The following PRPF31 variants were observed in gnomAD, a reference collection of about 807,000 sequenced individuals.
The protein encoded by PRPF31 is U4/U6 small nuclear ribonucleoprotein Prp31.
In PRPF31, 12 loss-of-function variants were observed where a neutral mutation model predicts 60.4. The observed-to-expected ratio is 0.20, with a 90% CI of 0.13 to 0.32. The LOEUF (loss-of-function observed/expected upper bound fraction) is 0.32, where lower values mean the gene tolerates loss of function less well. Ranked by LOEUF, PRPF31 falls within the 10% of genes least tolerant of loss-of-function variation. PRPF31 has a pLI of 1.00. For missense variants in PRPF31, 431 were observed against 687.1 expected, an observed-to-expected ratio of 0.63 and a Z score of 4.17; for synonymous variants, 287 against 287.9, an observed-to-expected ratio of 1.00 and a Z score of 0.03.
chr19:54,123,928 CG>C lies in PRPF31; in HGVS notation c.697+13del, dbSNP rs1468338597. 6.2e-7 allele frequency: 1 copy of C among 1,613,142 alleles called. No individual in the cohort carries two copies. Among genetic ancestry groups the C allele is most frequent in the South Asian group, 1.1e-5 (1 of 91,088 alleles). The stretch of plus-strand genomic sequence containing the variant: ...GCCGCCAAGATCATGGGTGAGTCCC[CG>C]GGCTGGGTCCCATGGAGCGGGGGTC... On this transcript the variant is annotated intron_variant, in intron 7 of 13. Transcript: ENST00000321030.
rs1236772792 is a variant in PRPF31, at chr19:54,127,949, C to A, written c.946-124C>A. ...CCAAGAAGAAAAAGAAAGGGGGTGG[C>A]GGTGAGGCAGCATTAGGTGCTGATT... is the stretch of plus-strand genomic sequence containing the variant. On this transcript the variant is annotated intron_variant, in intron 9 of 13. Coordinates refer to ENST00000321030, the MANE Select transcript of PRPF31 (RefSeq NM_015629.4). 2.3e-6 allele frequency: 3 copies of A among 1,321,836 alleles called. No homozygotes were observed. The Admixed American group carries it at 6.0e-5, about 27-fold the overall frequency. The allele number at this position is 1,321,836 out of a possible 1,614,324, so 81.9% of individuals were successfully genotyped here. A position where few individuals can be genotyped will look rare whatever the true frequency, so the allele number is the denominator to read the frequency against.
Position 54,128,329 on chromosome 19 carries a change from G to C in PRPF31, c.1098G>C (p.Leu366=), listed in dbSNP as rs201201131. The C allele has an allele frequency of 3.0e-4, 465 of 1,545,814 alleles. 3 individuals are homozygous for C. In the East Asian group the frequency reaches 0.01, roughly 33 times the overall value. The part of the protein sequence containing the change: ...GRRYRKMKER[L]GLTEIRKQAN... ...GGTACCGCAAGATGAAGGAGCGGCT[G>C]GGGCTGACGGAGATCCGGAAGCAGG... The change falls in exon 11 of 14, where the codon CTG becomes CTC. Residue 366 remains leucine (L), a synonymous_variant. Transcript: ENST00000321030.
chr19:54,127,082 TGC>T lies in PRPF31; in HGVS notation c.945+466_945+467del, dbSNP rs1216928675. On this transcript the variant is annotated intron_variant, in intron 9 of 13. Transcript: ENST00000321030. ...TTGCAGTGAACTGAGATTGCATCAT[TGC>T]ACTCCAGCTTGGGTGACATAGCGAG... 3.9e-5 allele frequency among the ~76,000 whole-genome samples: 6 copies of T among 152,254 alleles called. No individual in the cohort carries two copies. The East Asian group carries it at 1.2e-3, about 29-fold the overall frequency.
At chr19:54,120,574 C>T (rs1209252117) in intron 3 of PRPF31, among the ~76,000 whole-genome samples, 1 of 152,190 alleles carries the variant, frequency 6.6e-6, no homozygotes, top group African/African-American at 2.4e-5. Flanking sequence ...TGACATCAGG[C>T]AGTTAGTATT....
chr19:54,125,177 C>G (rs587748863), intron 8 of PRPF31: 2 of 186,724 alleles, frequency 1.1e-5, no homozygotes, highest in South Asian at 2.0e-4. Context: ...ATCCCAGCAT[C>G]GACGCCTGAC....
Position 54,123,882 on chromosome 19 carries a change from A to T in PRPF31, c.661A>T (p.Ile221Phe), listed in dbSNP as rs1195195754. The T allele has an allele frequency of 6.2e-7, 1 of 1,613,992 alleles. No individual in the cohort carries two copies. Among genetic ancestry groups the T allele is most frequent in the Admixed American group, 1.7e-5 (1 of 60,018 alleles). Residue 221 changes from isoleucine (I) to phenylalanine (F), a missense_variant, in exon 7 of 14, where the codon ATC (isoleucine) becomes TTC (phenylalanine). Ile to Phe is a conservative substitution (Grantham distance 21). Transcript: ENST00000321030. ...GTCCTTCATCGCACCCAACCTGTCC[A>T]TCATTATCGGGGCATCCACGGCCGC... is the stretch of plus-strand genomic sequence containing the variant. ...RMSFIAPNLS[I>F]IIGASTAAKI...
rs1014381080 is a variant in PRPF31 at position 54,129,277 on chromosome 19, C to T, written c.1281C>T (p.Thr427=). The T allele has an allele frequency of 2.5e-6, 4 of 1,611,180 alleles. No individual in the cohort carries two copies. Among genetic ancestry groups the T allele is most frequent in the East Asian group, 4.5e-5 (2 of 44,768 alleles). Residue 427 remains threonine, a synonymous_variant, in exon 13 of 14, where the codon ACC becomes ACT. Coordinates refer to ENST00000321030, the MANE Select transcript of PRPF31 (RefSeq NM_015629.4). ...CCTCCCTGTCCTCCCCACAGCGGACCCTGCAGAAGCAGAGCGTCGTATATG... is the reference window on the plus strand; with the variant it reads ...CCTCCCTGTCCTCCCCACAGCGGACTCTGCAGAAGCAGAGCGTCGTATATG... ...KARISKTLQR[T]LQKQSVVYGG...
intron 3 of PRPF31, 37 bp downstream of exon 3, chr19:54,118,670 G>C (rs776252529): frequency 1.2e-6 from 2 of 1,608,850 alleles, no homozygotes; most frequent in East Asian, 4.5e-5. Flanking sequence ...CCCATCTCCT[G>C]TCTCTCCTGC....
At chr19:54,126,833 A>C (rs10424816) in intron 9 of PRPF31, among the ~76,000 whole-genome samples, 60,445 of 152,142 alleles carry the variant, frequency 0.4, 12,372 homozygotes, top group East Asian at 0.59. Context: ...CTACTGGCTT[A>C]AAACAGTGCA....
In PRPF31 at chr19:54,131,546, TGC is replaced by T. The variant is rs2074047900; in HGVS notation, c.*115_*116del. 2.5e-5 allele frequency: 37 copies of T among 1,479,572 alleles called. 1 individual carries two copies. In the South Asian group the frequency reaches 4.1e-4, roughly 16 times the overall value. 91.7% of individuals were successfully genotyped at this position (1,479,572 alleles called of 1,614,324 possible). A position where few individuals can be genotyped will look rare whatever the true frequency, so the allele number is the denominator to read the frequency against. ...GAACCTGCCCTGCCACTGGCCCCAT[TGC>T]TGGGACTGCCCAGGGAGGAGGCCTT... On this transcript the variant is annotated 3_prime_UTR_variant, in exon 14 of 14. Coordinates refer to ENST00000321030, the MANE Select transcript of PRPF31 (RefSeq NM_015629.4).
chr19:54,128,810 G>A (rs1181963266), intron 11 of PRPF31, among the ~76,000 whole-genome samples: 1 of 152,202 alleles, frequency 6.6e-6, no homozygotes, highest in Non-Finnish European at 1.5e-5. Flanking sequence ...ACACGAGTAA[G>A]GAAGGAATGG....
intron 13 of PRPF31, among the ~76,000 whole-genome samples, chr19:54,130,005 G>A (rs1473539533): frequency 6.6e-6 from 1 of 152,198 alleles, no homozygotes; most frequent in Non-Finnish European, 1.5e-5. Context: ...GGAGCCAGTG[G>A]GTGGCCGGGC....
At chr19:54,119,865 A>G (rs2073744442) in intron 3 of PRPF31, 1 of 152,140 alleles carries the variant, frequency 6.6e-6, no homozygotes, top group Admixed American at 6.5e-5. Context: ...AAAGAAGTGT[A>G]GTGAGAGGGC....
At chr19:54,122,473 A>G (rs762392872) in intron 4 of PRPF31, 24 bp from the exon 5 acceptor site, 1 of 1,572,648 alleles carries the variant, frequency 6.4e-7, no homozygotes, top group Non-Finnish European at 8.8e-7. Context: ...CTCACCCGAC[A>G]ACCTCCTGTC....
intron 9 of PRPF31, among the ~76,000 whole-genome samples, chr19:54,127,434 G>A (rs946299518): frequency 6.6e-5 from 10 of 152,036 alleles, no homozygotes; most frequent in African/African-American, 2.2e-4. Flanking sequence ...TGGCTATACT[G>A]AGCCTACTCA....
intron 8 of PRPF31, among the ~76,000 whole-genome samples, chr19:54,125,603 C>T (rs1471502007): frequency 6.6e-6 from 1 of 152,160 alleles, no homozygotes; most frequent in African/African-American, 2.4e-5. Flanking sequence ...GCCCTGTGCC[C>T]TGCCTGGCCT....
chr19:54,123,353 C>T lies in PRPF31; in HGVS notation c.421-101C>T, dbSNP rs587634066. 3.7e-4 allele frequency: 331 copies of T among 889,436 alleles called. 1 individual carries two copies. The East Asian group carries it at 5.3e-3, about 14-fold the overall frequency. 55.1% of individuals were successfully genotyped at this position (889,436 alleles called of 1,614,324 possible). A position where few individuals can be genotyped will look rare whatever the true frequency, so the allele number is the denominator to read the frequency against. On this transcript the variant is annotated intron_variant, in intron 5 of 13. Transcript: ENST00000321030. ...CCCCAGTGCAGAGACCCTGACTGTC[C>T]CAGTGTCCCTAAGAAGAGACCTGAG... is the stretch of plus-strand genomic sequence containing the variant.
In PRPF31 at chr19:54,123,848, G is replaced by A. The variant is rs1306121242; in HGVS notation, c.627G>A (p.Glu209=). 1 of 1,613,954 alleles carries A rather than the reference G, an allele frequency of 6.2e-7. No individual in the cohort carries two copies. The highest frequency in any genetic ancestry group is 8.5e-7 in the Non-Finnish European group (1 of 1,180,016). Reference sequence around the variant, plus strand: ...AGCACCGCATCTACGAGTATGTGGAGTCCCGGATGTCCTTCATCGCACCCA... The same window carrying A: ...AGCACCGCATCTACGAGTATGTGGAATCCCGGATGTCCTTCATCGCACCCA... The part of the protein sequence containing the change: ...ASKHRIYEYV[E]SRMSFIAPNL... Residue 209 remains glutamate, a synonymous_variant, in exon 7 of 14, where the codon GAG becomes GAA. Transcript: ENST00000321030.
At position 54,126,246 on chromosome 19, in the gene PRPF31, C is replaced by T. The variant is rs377485468; in HGVS notation, c.856-282C>T. Among the ~76,000 whole-genome samples the T allele has an allele frequency of 2.4e-4, 36 of 152,278 alleles. No individual in the cohort carries two copies. The East Asian group carries it at 5.0e-3, about 21-fold the overall frequency. The stretch of plus-strand genomic sequence containing the variant: ...GCTGGCATCCAGGCCGAGTGCACTC[C>T]CCCCGGCGTCTCCACAGTCACCACC... On this transcript the variant is annotated intron_variant, in intron 8 of 13. Transcript: ENST00000321030.
Sources: gnomAD v4.1 joint callset for allele counts (sites outside exome capture counted in the v4.1 genomes callset) on GRCh38, gnomAD v4.1.1 for gene constraint, MANE v1.5 for transcripts, NCBI Gene and HGNC (gene_info 2026-07-23, HGNC 2026-07-21) for gene names.